SUSD3: variants seen among roughly 807,000 people sequenced by gnomAD.
SUSD3 encodes sushi domain-containing protein 3.
A neutral mutation model predicts 20.6 loss-of-function variants in SUSD3; 18 were observed. The observed-to-expected ratio is 0.87, with a 90% CI of 0.60 to 1.30. The LOEUF (loss-of-function observed/expected upper bound fraction) is 1.30, where lower values mean the gene tolerates loss of function less well. SUSD3 is among the 50% of genes most tolerant of loss of function. The pLI is 0.00. For missense variants in SUSD3, 306 were observed against 346.9 expected, an observed-to-expected ratio of 0.88 and a Z score of 0.94; for synonymous variants, 137 against 141.5, an observed-to-expected ratio of 0.97 and a Z score of 0.23.
intron 4 of SUSD3, among the ~76,000 whole-genome samples, chr9:93,082,760 A>G (rs1826471408): frequency 6.6e-6 from 1 of 152,162 alleles, no homozygotes; most frequent in South Asian, 2.1e-4. Context: ...CTGGGACCAG[A>G]TCATCCTGTG....
intron 1 of SUSD3, among the ~76,000 whole-genome samples, chr9:93,075,195 C>T (rs966016281): frequency 6.6e-6 from 1 of 152,092 alleles, no homozygotes; most frequent in Non-Finnish European, 1.5e-5. Flanking sequence ...CACATTAGAA[C>T]TTGTTGGTTT....
intron 1 of SUSD3, among the ~76,000 whole-genome samples, chr9:93,059,672 C>G (rs1220288213): frequency 1.3e-5 from 2 of 152,150 alleles, no homozygotes; most frequent in Non-Finnish European, 2.9e-5. Context: ...GGCTAAGGCT[C>G]TGCGCAGGAG....
At chr9:93,078,055 G>T in intron 3 of SUSD3, 62 bp downstream of exon 3, 1 of 1,608,744 alleles carries the variant, frequency 6.2e-7, no homozygotes, top group Non-Finnish European at 8.5e-7. Flanking sequence ...CATGGGAGGA[G>T]GAAAGGACAG....
chr9:93,079,611 G>C lies in SUSD3; in HGVS notation c.557+9G>C, dbSNP rs780645603. On this transcript the variant is annotated intron_variant, in intron 4 of 4. Coordinates refer to ENST00000375472, the MANE Select transcript of SUSD3 (RefSeq NM_145006.4). ...AACCACAGCTTCACCACGTGAGCCCGGGTCTGGGTAGGGGACATGCTGGGG... is the reference window on the plus strand; with the variant it reads ...AACCACAGCTTCACCACGTGAGCCCCGGTCTGGGTAGGGGACATGCTGGGG... The C allele has an allele frequency of 6.2e-7, 1 of 1,613,204 alleles. No individual in the cohort carries two copies. Among genetic ancestry groups the C allele is most frequent in the Non-Finnish European group, 8.5e-7 (1 of 1,179,772 alleles).
In SUSD3 at chr9:93,078,060, G is replaced by A. The variant is rs564223572; in HGVS notation, c.425+67G>A. 7 of 1,606,976 alleles carry A rather than the reference G, an allele frequency of 4.4e-6. No homozygotes were observed. In the African/African-American group the frequency reaches 8.0e-5, roughly 18 times the overall value. ...CTCTTGGCACCATGGGAGGAGGAAA[G>A]GACAGAGTGTTTCAAGGGAACCCCG... On this transcript the variant is annotated intron_variant, in intron 3 of 4. Coordinates refer to ENST00000375472, the MANE Select transcript of SUSD3 (RefSeq NM_145006.4).
intron 3 of SUSD3, 151 bp downstream of exon 3, chr9:93,078,144 C>G (rs892528506): frequency 4.5e-6 from 5 of 1,110,554 alleles, no homozygotes; most frequent in Non-Finnish European, 6.4e-6. Flanking sequence ...GTCTCCCCCC[C>G]AAGTGCTGCT....
In SUSD3 at chr9:93,072,982, C is replaced by T. The variant is rs564110631; in HGVS notation, c.89-2802C>T. ...GCAGTAGGACTTCCATTCCTGGCAC[C>T]CAGGGCATGGTCCTGGCTGGAGATG... On this transcript the variant is annotated intron_variant, in intron 1 of 4. Coordinates refer to ENST00000375472, the MANE Select transcript of SUSD3 (RefSeq NM_145006.4). 3.9e-5 allele frequency among the ~76,000 whole-genome samples: 6 copies of T among 152,182 alleles called. No homozygotes were observed. In the South Asian group the frequency reaches 1.2e-3, roughly 32 times the overall value.
chr9:93,081,628 G>T (rs1486173022), intron 4 of SUSD3, among the ~76,000 whole-genome samples: 1 of 152,172 alleles, frequency 6.6e-6, no homozygotes, highest in Non-Finnish European at 1.5e-5. Context: ...GTGGCCCTGG[G>T]TTACACACAC....
chr9:93,083,590 C>T (rs748344724), intron 4 of SUSD3, among the ~76,000 whole-genome samples: 28 of 152,226 alleles, frequency 1.8e-4, no homozygotes, highest in Non-Finnish European at 2.6e-4. Flanking sequence ...ACTTTTATCC[C>T]GTTTTCCAGG....
intron 1 of SUSD3, among the ~76,000 whole-genome samples, chr9:93,071,770 G>A (rs1825921097): frequency 6.6e-6 from 1 of 152,126 alleles, no homozygotes; most frequent in Non-Finnish European, 1.5e-5. Flanking sequence ...GGGCAGGTTG[G>A]GAAATGTAGT....
intron 1 of SUSD3, among the ~76,000 whole-genome samples, chr9:93,059,147 G>A (rs1040631644): frequency 1.3e-5 from 2 of 152,118 alleles, no homozygotes; most frequent in African/African-American, 4.8e-5. Flanking sequence ...CGCAGGCTCC[G>A]GGCCCCTCCG....
chr9:93,083,131 C>T (rs565667309), intron 4 of SUSD3, among the ~76,000 whole-genome samples: 4 of 152,260 alleles, frequency 2.6e-5, no homozygotes, highest in South Asian at 2.1e-4. Flanking sequence ...TGGAGGAGGC[C>T]GGCTTAGGGG....
chr9:93,077,827 G>C lies in SUSD3; in HGVS notation c.278-19G>C, dbSNP rs1423331309. ...CTGGGCAAACCTCGCCCAGGAGCTGGTGGTTGTCTCCCACACAGTGGTGCC... is the reference window on the plus strand; with the variant it reads ...CTGGGCAAACCTCGCCCAGGAGCTGCTGGTTGTCTCCCACACAGTGGTGCC... On this transcript the variant is annotated intron_variant, in intron 2 of 4. Coordinates refer to ENST00000375472, the MANE Select transcript of SUSD3 (RefSeq NM_145006.4). 1 of 1,613,844 alleles carries C rather than the reference G, an allele frequency of 6.2e-7. No individual in the cohort carries two copies. The highest frequency in any genetic ancestry group is 1.3e-5 in the African/African-American group (1 of 75,046).
intron 1 of SUSD3, chr9:93,069,229 C>T (rs1443026306): frequency 1.5e-6 from 1 of 684,892 alleles, no homozygotes; most frequent in Admixed American, 2.0e-5. Flanking sequence ...GGATTGCTGT[C>T]AGTCACTTAG....
chr9:93,078,590 G>A (rs1052308669), intron 3 of SUSD3, among the ~76,000 whole-genome samples: 1 of 151,674 alleles, frequency 6.6e-6, no homozygotes, highest in Non-Finnish European at 1.5e-5. Context: ...GCACACATAT[G>A]CAGTATGTAC....
intron 1 of SUSD3, among the ~76,000 whole-genome samples, chr9:93,074,560 C>T (rs1170806893): frequency 6.7e-6 from 1 of 148,666 alleles, no homozygotes; most frequent in Non-Finnish European, 1.5e-5. Flanking sequence ...CAGCCTTTCA[C>T]TATTATGTAT....
At chr9:93,073,242 TTC>T (rs1825981782) in intron 1 of SUSD3, among the ~76,000 whole-genome samples, 1 of 145,808 alleles carries the variant, frequency 6.9e-6, no homozygotes, top group Admixed American at 6.8e-5. Context: ...GCTGTCCCTG[TTC>T]TTTTTTTTTT....
At chr9:93,072,410 A>T (rs1038476674) in intron 1 of SUSD3, among the ~76,000 whole-genome samples, 1 of 152,198 alleles carries the variant, frequency 6.6e-6, no homozygotes, top group Non-Finnish European at 1.5e-5. Context: ...GGCCAGCTGC[A>T]GCCAAATGCC....
chr9:93,058,710 G>C lies in SUSD3; in HGVS notation c.-33G>C, dbSNP rs1825377075. 1 of 1,213,174 alleles carries C rather than the reference G, an allele frequency of 8.2e-7. No individual in the cohort carries two copies. The highest frequency in any genetic ancestry group is 1.6e-5 in the African/African-American group (1 of 63,916). The allele number at this position is 1,213,174 out of a possible 1,614,324, so 75.2% of individuals were successfully genotyped here. On this transcript the variant is annotated 5_prime_UTR_variant, in exon 1 of 5. Coordinates refer to ENST00000375472, the MANE Select transcript of SUSD3 (RefSeq NM_145006.4). Reference sequence around the variant, plus strand: ...CCCACAAGCCGGGCTCACTCCCCTGGCAGACCCCGCCAAGCGCCTCGGAGC... The same window carrying C: ...CCCACAAGCCGGGCTCACTCCCCTGCCAGACCCCGCCAAGCGCCTCGGAGC...
Sources: allele counts gnomAD v4.1 joint callset (sites outside exome capture counted in the v4.1 genomes callset), GRCh38; gene constraint gnomAD v4.1.1; transcripts MANE v1.5; gene names NCBI Gene and HGNC (gene_info 2026-07-23, HGNC 2026-07-21).